Variants in ZNF518B observed in about 807,000 individuals in gnomAD.
ZNF518B encodes zinc finger protein 518B.
A neutral mutation model predicts 56.3 loss-of-function variants in ZNF518B; 23 were observed. The ratio of observed to expected loss-of-function variants is 0.41; its 90% CI spans 0.29 to 0.58. The LOEUF (loss-of-function observed/expected upper bound fraction) is 0.58, where lower values mean the gene tolerates loss of function less well. Among genes scored for constraint, ZNF518B ranks in the 20% least tolerant of loss-of-function variants. The probability of loss-of-function intolerance (pLI) is 0.32; values close to 1 mark genes in which losing one functional copy is unlikely to be tolerated. For missense variants in ZNF518B, 1,460 were observed against 1,272.1 expected, an observed-to-expected ratio of 1.15 and a Z score of -2.25; for synonymous variants, 529 against 465.9, an observed-to-expected ratio of 1.14 and a Z score of -1.74.
At position 10,443,483 on chromosome 4, in the gene ZNF518B, G is replaced by A. The variant is rs1353796378; in HGVS notation, c.2846C>T (p.Pro949Leu). The change falls in exon 3 of 3, where the codon CCT becomes CTT. Residue 949 changes from proline (P) to leucine (L), a missense_variant. Transcript: ENST00000326756. ...GGTCACTTCTGGCGAGTCCACATCA[G>A]GGTGGTTTAACACAATGACTGGCTG... Reference protein sequence around the residue: ...RNQPVIVLNHPDVDSPEVTNV... With the variant: ...RNQPVIVLNHLDVDSPEVTNV... 6.2e-7 allele frequency: 1 copy of A among 1,614,098 alleles called. No individual in the cohort carries two copies. Among genetic ancestry groups the A allele is most frequent in the East Asian group, 2.2e-5 (1 of 44,882 alleles).
chr4:10,452,192 G>A (rs1715348770), intron 2 of ZNF518B: 1 of 152,110 alleles, frequency 6.6e-6, no homozygotes, highest in East Asian at 1.9e-4. Context: ...GGAGTGGCAG[G>A]GTTTACAGTT....
In ZNF518B at chr4:10,444,206, T is replaced by G. The variant is rs1387719297; in HGVS notation, c.2123A>C (p.Gln708Pro). 1.2e-6 allele frequency: 2 copies of G among 1,614,108 alleles called. No individual in the cohort carries two copies. Among genetic ancestry groups the G allele is most frequent in the Non-Finnish European group, 1.7e-6 (2 of 1,180,056 alleles). ...ACCAGTGAGTGACACGTTGATTTCT[T>G]GAATACCTTCAGAGGTAGCTTTTGA... Reference protein sequence around the residue: ...GTSKATSEGIQEINVSLTGLG... With the variant: ...GTSKATSEGIPEINVSLTGLG... The change falls in exon 3 of 3, where the codon CAA becomes CCA. Residue 708 changes from glutamine to proline, a missense_variant. Transcript: ENST00000326756.
chr4:10,459,067 T>A (rs1715661883), upstream of ZNF518B, among the ~76,000 whole-genome samples: 1 of 152,172 alleles, frequency 6.6e-6, no homozygotes, highest in African/African-American at 2.4e-5. Context: ...CACATAGAAG[T>A]TGTGAGCCTG....
At chr4:10,446,611 T>C (rs1028695198) in intron 2 of ZNF518B, 72 bp from the exon 3 acceptor site, 14 of 323,372 alleles carry the variant, frequency 4.3e-5, no homozygotes, top group African/African-American at 2.1e-4. Context: ...ACTTATCCTA[T>C]ATTTTAATGG....
At position 10,445,711 on chromosome 4, in the gene ZNF518B, G is replaced by C. The variant is rs761684778; in HGVS notation, c.618C>G (p.Val206=). 8.7e-6 allele frequency: 14 copies of C among 1,614,134 alleles called. No individual in the cohort carries two copies. The highest frequency in any genetic ancestry group is 1.6e-4 in the Middle Eastern group (1 of 6,062). The change falls in exon 3 of 3, where the codon GTC becomes GTG. Residue 206 remains valine (V), a synonymous_variant. Transcript: ENST00000326756. ...TTTCATGTACTCTCTTCGTGTGTTT[G>C]ACAATATAATCATTTCTAATAGCAC... The part of the protein sequence containing the change: ...DYGAIRNDYI[V]KHTKRVHERA...
chr4:10,444,121 A>G lies in ZNF518B; in HGVS notation c.2208T>C (p.Asn736=), dbSNP rs763400399. The change falls in exon 3 of 3, where the codon AAT becomes AAC. Residue 736 remains asparagine (N), a synonymous_variant. Transcript: ENST00000326756. Reference sequence around the variant, plus strand: ...ATATTTGTTGATGAGTAAGCTGTCTATTACCAGTAATACCACCATCATTCG... The same window carrying G: ...ATATTTGTTGATGAGTAAGCTGTCTGTTACCAGTAATACCACCATCATTCG... The part of the protein sequence containing the change: ...KPPNDGGITG[N]RQLTHQQIYP... The G allele has an allele frequency of 6.2e-7, 1 of 1,614,232 alleles. No individual in the cohort carries two copies. Among genetic ancestry groups the G allele is most frequent in the Middle Eastern group, 1.6e-4 (1 of 6,062 alleles).
upstream of ZNF518B, among the ~76,000 whole-genome samples, chr4:10,461,149 T>C (rs1560178271): frequency 6.6e-6 from 1 of 152,244 alleles, no homozygotes; most frequent in Non-Finnish European, 1.5e-5. Flanking sequence ...TTGGCCAAGT[T>C]ACTGCCAGTC....
At chr4:10,457,475 G>A (rs1715598820), upstream of ZNF518B, 1 of 152,148 alleles carries the variant, frequency 6.6e-6, no homozygotes, top group South Asian at 2.1e-4. Context: ...CGGCTCCAGC[G>A]AGGCCGGCGC....
rs1560172161 is a variant in ZNF518B at position 10,446,325 on chromosome 4, T to G, written c.4A>C (p.Lys2Gln). 6.2e-7 allele frequency: 1 copy of G among 1,603,244 alleles called. No individual in the cohort carries two copies. The highest frequency in any genetic ancestry group is 1.1e-5 in the South Asian group (1 of 90,502). M[K>Q]DIGQQLYTTH... ...GTGTATAGCTGCTGTCCAATATCCT[T>G]CATCTTATCTGCATTTCTAAAAAGA... Residue 2 changes from lysine to glutamine, a missense_variant, in exon 3 of 3, where the codon AAG becomes CAG. Lys to Gln is a moderately conservative substitution (Grantham distance 53, BLOSUM62 1). Coordinates refer to ENST00000326756, the MANE Select transcript of ZNF518B (RefSeq NM_053042.3).
At chr4:10,461,267 T>C (rs772153732), upstream of ZNF518B, among the ~76,000 whole-genome samples, 8 of 152,242 alleles carry the variant, frequency 5.3e-5, no homozygotes, top group Non-Finnish European at 1.0e-4. Context: ...CCAGCCGCCC[T>C]TTCCCGCCCT....
rs1221345134 is a variant in ZNF518B, at chr4:10,442,898, T to C, written c.*206A>G. ...AAAAATGCATATGTACCAATTTGCA[T>C]GTACAATTTCAGAGCCTTCAAATAC... On this transcript the variant is annotated 3_prime_UTR_variant, in exon 3 of 3. Coordinates refer to ENST00000326756, the MANE Select transcript of ZNF518B (RefSeq NM_053042.3). 5.6e-6 allele frequency: 3 copies of C among 532,654 alleles called. No homozygotes were observed. Among genetic ancestry groups the C allele is most frequent in the Non-Finnish European group, 9.8e-6 (3 of 304,720 alleles). 33.0% of individuals were successfully genotyped at this position (532,654 alleles called of 1,614,324 possible).
chr4:10,445,512 G>T lies in ZNF518B; in HGVS notation c.817C>A (p.His273Asn). 6.2e-7 allele frequency: 1 copy of T among 1,614,104 alleles called. No individual in the cohort carries two copies. The highest frequency in any genetic ancestry group is 1.7e-5 in the Admixed American group (1 of 60,018). ...FSLHANKDKM[H>N]NIMLLPEPKE... is the part of the protein sequence containing the mutation. ...GGTTCAGGTAACAACATGATATTGT[G>T]CATTTTGTCTTTATTTGCATGGAGA... The change falls in exon 3 of 3, where the codon CAC becomes AAC. Residue 273 changes from histidine (H) to asparagine (N), a missense_variant. Coordinates refer to ENST00000326756, the MANE Select transcript of ZNF518B (RefSeq NM_053042.3).
At chr4:10,454,428 A>G (rs1468218123) in intron 2 of ZNF518B, 1 of 152,254 alleles carries the variant, frequency 6.6e-6, no homozygotes, top group Non-Finnish European at 1.5e-5. Context: ...TAAGGAGTCT[A>G]ACAGAAGATG....
rs779938711 is a variant in ZNF518B at position 10,443,369 on chromosome 4, C to T, written c.2960G>A (p.Arg987Gln). 1.9e-6 allele frequency: 3 copies of T among 1,614,100 alleles called. No individual in the cohort carries two copies. Among genetic ancestry groups the T allele is most frequent in the African/African-American group, 1.3e-5 (1 of 74,940 alleles). ...CTGGTAGGTCAGGCGTACATGATGC[C>T]GTCTGATGCCTAGCTGACACCTAGT... ...ERTRCQLGIR[R>Q]HHVRLTYQNA... The change falls in exon 3 of 3, where the codon CGG becomes CAG. Residue 987 changes from arginine to glutamine, a missense_variant. By Grantham distance (43) the Arg-to-Gln change is conservative. Transcript: ENST00000326756.
Position 10,446,423 on chromosome 4 carries a change from G to C in ZNF518B, c.-95C>G, listed in dbSNP as rs1715059740. 2 of 1,200,922 alleles carry C rather than the reference G, an allele frequency of 1.7e-6. No homozygotes were observed. Among genetic ancestry groups the C allele is most frequent in the South Asian group, 1.5e-5 (1 of 67,658 alleles). 74.4% of individuals were successfully genotyped at this position (1,200,922 alleles called of 1,614,324 possible). A position where few individuals can be genotyped will look rare whatever the true frequency, so the allele number is the denominator to read the frequency against. On this transcript the variant is annotated 5_prime_UTR_variant, in exon 3 of 3. Coordinates refer to ENST00000326756, the MANE Select transcript of ZNF518B (RefSeq NM_053042.3). ...TATCCTTCTATACAGTTTGTGATGGGTAGGGGCGCAGCTACTTCTTGGGTG... is the reference window on the plus strand; with the variant it reads ...TATCCTTCTATACAGTTTGTGATGGCTAGGGGCGCAGCTACTTCTTGGGTG...
Position 10,443,001 on chromosome 4 carries a change from C to G in ZNF518B, c.*103G>C, listed in dbSNP as rs910860694. 2 of 1,013,866 alleles carry G rather than the reference C, an allele frequency of 2.0e-6. No homozygotes were observed. The highest frequency in any genetic ancestry group is 2.8e-6 in the Non-Finnish European group (2 of 704,020). The allele number at this position is 1,013,866 out of a possible 1,614,324, so 62.8% of individuals were successfully genotyped here. A position where few individuals can be genotyped will look rare whatever the true frequency, so the allele number is the denominator to read the frequency against. Reference sequence around the variant, plus strand: ...CCTACAGTTCTGAAGAATTAGCAGTCCTCTCATTTCTACAGTCTGTATTTC... The same window carrying G: ...CCTACAGTTCTGAAGAATTAGCAGTGCTCTCATTTCTACAGTCTGTATTTC... On this transcript the variant is annotated 3_prime_UTR_variant, in exon 3 of 3. Coordinates refer to ENST00000326756, the MANE Select transcript of ZNF518B (RefSeq NM_053042.3).
chr4:10,445,801 C>T lies in ZNF518B; in HGVS notation c.528G>A (p.Glu176=), dbSNP rs1715011599. The change falls in exon 3 of 3, where the codon GAG becomes GAA. Residue 176 remains glutamate (E), a synonymous_variant. Transcript: ENST00000326756. ...HCSYISYTKG[E]FQRHLVKHTG... ...TGTGTTTCACCAAATGCCTCTGAAA[C>T]TCTCCTTTCGTATACGAAATGTAGC... The T allele has an allele frequency of 6.2e-7, 1 of 1,614,108 alleles. No homozygotes were observed.
At chr4:10,450,417 C>T (rs1046413923) in intron 2 of ZNF518B, among the ~76,000 whole-genome samples, 1 of 152,160 alleles carries the variant, frequency 6.6e-6, no homozygotes, top group Non-Finnish European at 1.5e-5. Context: ...GCCTTTGTAA[C>T]CTGTGTCTAG....
chr4:10,451,495 C>T (rs983412332), intron 2 of ZNF518B: 1 of 152,190 alleles, frequency 6.6e-6, no homozygotes, highest in African/African-American at 2.4e-5. Flanking sequence ...ACCTACCCCA[C>T]AGAGTTACTG....
Sources: allele counts gnomAD v4.1 joint callset (sites outside exome capture counted in the v4.1 genomes callset), GRCh38; gene constraint gnomAD v4.1.1; transcripts MANE v1.5; gene names NCBI Gene and HGNC (gene_info 2026-07-23, HGNC 2026-07-21).